Variants in CATSPERB observed in about 807,000 individuals in gnomAD.
CATSPERB encodes catsper channel auxiliary subunit beta, also known as cation channel sperm-associated auxiliary subunit beta.
CATSPERB carries 93 observed loss-of-function variants against 128.3 expected under a neutral mutation model. The ratio of observed to expected loss-of-function variants is 0.72; its 90% confidence interval spans 0.61 to 0.86. The LOEUF is 0.86. Among genes scored for constraint, CATSPERB ranks in the 40% least tolerant of loss-of-function variants. CATSPERB has a pLI of 0.00. For missense variants in CATSPERB, 1,153 were observed against 1,329.5 expected (o/e 0.87, Z 2.06); for synonymous variants, 381 against 448.8 (o/e 0.85, Z 1.91).
intron 14 of CATSPERB, among the ~76,000 whole-genome samples, chr14:91,663,743 C>G (rs1367411136): frequency 6.6e-6 from 1 of 150,604 alleles, no homozygotes; most frequent in Non-Finnish European, 1.5e-5. Flanking sequence ...GTTTTGTGAT[C>G]TAACTATTGG....
At chr14:91,663,410 C>G (rs1894919761) in intron 14 of CATSPERB, among the ~76,000 whole-genome samples, 1 of 152,106 alleles carries the variant, frequency 6.6e-6, no homozygotes, top group South Asian at 2.1e-4. Flanking sequence ...CAAACGGAGG[C>G]TGAGGCAGGC....
intron 22 of CATSPERB, among the ~76,000 whole-genome samples, chr14:91,596,435 C>T (rs956887166): frequency 1.3e-5 from 2 of 152,112 alleles, no homozygotes; most frequent in African/African-American, 2.4e-5. Flanking sequence ...AATCTCCTGA[C>T]CTTGTGATCC....
intron 5 of CATSPERB, among the ~76,000 whole-genome samples, chr14:91,717,615 A>T (rs1895964289): frequency 6.6e-6 from 1 of 152,188 alleles, no homozygotes; most frequent in Admixed American, 6.5e-5. Context: ...ATATAATAAG[A>T]ATTCAATAAA....
At chr14:91,661,376 C>T (rs1241749329) in intron 14 of CATSPERB, among the ~76,000 whole-genome samples, 2 of 151,962 alleles carry the variant, frequency 1.3e-5, no homozygotes, top group Non-Finnish European at 2.9e-5. Context: ...TTCTACTATA[C>T]TACTGAACAT....
intron 15 of CATSPERB, among the ~76,000 whole-genome samples, chr14:91,647,992 G>A (rs934953705): frequency 6.6e-6 from 1 of 152,162 alleles, no homozygotes; most frequent in Non-Finnish European, 1.5e-5. Flanking sequence ...GTGTTCTACG[G>A]ATGATGTTCA....
intron 25 of CATSPERB, 46 bp from the exon 26 acceptor site, chr14:91,587,322 A>T (rs1171087275): frequency 1.4e-6 from 2 of 1,422,924 alleles, no homozygotes; most frequent in Non-Finnish European, 1.9e-6. Context: ...CAACATGTAC[A>T]TTCCTTTAAG....
chr14:91,682,372 G>A (rs891340263), intron 11 of CATSPERB, among the ~76,000 whole-genome samples: 1 of 152,146 alleles, frequency 6.6e-6, no homozygotes, highest in African/African-American at 2.4e-5. Context: ...CAGGTAATAG[G>A]TCAAGCACCA....
At chr14:91,693,037 C>T (rs1392923809) in intron 9 of CATSPERB, 89 bp downstream of exon 9, 1 of 921,776 alleles carries the variant, frequency 1.1e-6, no homozygotes, top group African/African-American at 1.7e-5. Flanking sequence ...TTTTAAGATA[C>T]ACCACACATA....
intron 22 of CATSPERB, among the ~76,000 whole-genome samples, chr14:91,593,169 T>C (rs764759866): frequency 3.3e-5 from 5 of 152,156 alleles, no homozygotes; most frequent in Non-Finnish European, 7.4e-5. Flanking sequence ...TCTGCAGGGG[T>C]GGGGCCTTTA....
At chr14:91,655,523 A>G (rs1174940432) in intron 15 of CATSPERB, among the ~76,000 whole-genome samples, 1 of 152,244 alleles carries the variant, frequency 6.6e-6, no homozygotes, top group African/African-American at 2.4e-5. Context: ...AGAATTCTGG[A>G]GCTGAAAAAT....
intron 22 of CATSPERB, among the ~76,000 whole-genome samples, chr14:91,604,070 C>T (rs763899910): frequency 4.6e-5 from 7 of 151,456 alleles, no homozygotes; most frequent in Non-Finnish European, 1.5e-5. Context: ...ACTCTGTCAC[C>T]CAGGCTGGAC....
intron 15 of CATSPERB, among the ~76,000 whole-genome samples, chr14:91,653,974 T>C (rs553410915): frequency 7.9e-5 from 12 of 152,258 alleles, no homozygotes; most frequent in South Asian, 6.2e-4. Flanking sequence ...ACCTACACTA[T>C]GTTAGAGCAA....
chr14:91,668,388 CT>C (rs2139827982), intron 14 of CATSPERB, among the ~76,000 whole-genome samples: 1 of 152,206 alleles, frequency 6.6e-6, no homozygotes, highest in South Asian at 2.1e-4. Context: ...CACTCTGTGT[CT>C]AGCTAAAGGA....
intron 23 of CATSPERB, 131 bp from the exon 24 acceptor site, chr14:91,589,800 T>A: frequency 1.3e-6 from 1 of 769,368 alleles, no homozygotes; most frequent in Non-Finnish European, 2.0e-6. Context: ...GAGGGGTTTC[T>A]GCCTTTTCAG....
chr14:91,664,144 G>A lies in CATSPERB; in HGVS notation c.1288-4163C>T, dbSNP rs143627755. Among the ~76,000 whole-genome samples, 20 of 151,872 alleles carry A rather than the reference G, an allele frequency of 1.3e-4. No individual in the cohort carries two copies. In the East Asian group the frequency reaches 3.5e-3, roughly 26 times the overall value. On this transcript the variant is annotated intron_variant, in intron 14 of 26. Coordinates refer to ENST00000256343, the MANE Select transcript of CATSPERB (RefSeq NM_024764.4). ...ATCCCTGGCAACCACGGATCTTCTT[G>A]CTGTCTCCATAGTTTTGCCTTTTCC...
At chr14:91,725,531 C>T (rs990282049) in intron 2 of CATSPERB, among the ~76,000 whole-genome samples, 3 of 152,128 alleles carry the variant, frequency 2.0e-5, no homozygotes, top group African/African-American at 7.2e-5. Context: ...TAGAGAGGTA[C>T]TGAATGAAGA....
intron 15 of CATSPERB, among the ~76,000 whole-genome samples, chr14:91,659,466 C>A (rs530430637): frequency 6.6e-6 from 1 of 152,310 alleles, no homozygotes; most frequent in Middle Eastern, 3.4e-3. Context: ...GGTTGTGTGT[C>A]AGTTGTATCA....
At chr14:91,674,094 C>A in intron 12 of CATSPERB, 82 bp downstream of exon 12, 1 of 791,856 alleles carries the variant, frequency 1.3e-6, no homozygotes, top group Admixed American at 2.5e-5. Flanking sequence ...GTAGAATTGC[C>A]ATTTTTTAGA....
chr14:91,644,456 T>C (rs1415348989), intron 15 of CATSPERB, among the ~76,000 whole-genome samples: 1 of 148,150 alleles, frequency 6.7e-6, no homozygotes, highest in Non-Finnish European at 1.5e-5. Context: ...ATTTTATTTC[T>C]CCTTCACTTA....
Sources: gnomAD v4.1 joint callset for allele counts (sites outside exome capture counted in the v4.1 genomes callset) on GRCh38, gnomAD v4.1.1 for gene constraint, MANE v1.5 for transcripts, NCBI Gene and HGNC (gene_info 2026-07-23, HGNC 2026-07-21) for gene names.